Variants in CAMK1D observed in about 807,000 individuals in gnomAD.
CAMK1D encodes the protein calcium/calmodulin-dependent protein kinase type 1D.
In CAMK1D, 9 loss-of-function variants were observed where a neutral mutation model predicts 47.7. The observed-to-expected ratio is 0.19, with a 90% CI of 0.11 to 0.33. CAMK1D has a LOEUF of 0.33. CAMK1D is among the 10% of genes least tolerant of loss of function. CAMK1D has a pLI of 1.00. For synonymous variants in CAMK1D, 184 were observed against 184.9 expected, an observed-to-expected ratio of 0.99 and a Z score of 0.04; for missense variants, 291 against 488.7, an observed-to-expected ratio of 0.60 and a Z score of 3.81.
intron 3 of CAMK1D, among the ~76,000 whole-genome samples, chr10:12,685,670 C>A (rs897021442): frequency 6.6e-6 from 1 of 152,200 alleles, no homozygotes; most frequent in African/African-American, 2.4e-5. Context: ...TCACCCTAGG[C>A]CTTCTCGCTG....
chr10:12,446,926 A>G (rs1488176134), intron 1 of CAMK1D, among the ~76,000 whole-genome samples: 3 of 152,192 alleles, frequency 2.0e-5, no homozygotes, highest in Non-Finnish European at 4.4e-5. Context: ...AAATTGGGCT[A>G]AATGTAGGGA....
intron 8 of CAMK1D, among the ~76,000 whole-genome samples, chr10:12,821,092 G>A (rs1832995912): frequency 2.0e-5 from 3 of 152,216 alleles, no homozygotes; most frequent in Non-Finnish European, 4.4e-5. Context: ...TTGCAGGCCA[G>A]GGCAGCAGGC....
chr10:12,452,299 A>G (rs1260760537), intron 1 of CAMK1D, among the ~76,000 whole-genome samples: 1 of 152,066 alleles, frequency 6.6e-6, no homozygotes, highest in Non-Finnish European at 1.5e-5. Flanking sequence ...ATATTGATTT[A>G]TATTGTATAA....
At chr10:12,794,660 C>T (rs1838116315) in intron 6 of CAMK1D, among the ~76,000 whole-genome samples, 1 of 152,162 alleles carries the variant, frequency 6.6e-6, no homozygotes, top group African/African-American at 2.4e-5. Flanking sequence ...ACTAGTCCCA[C>T]ATCAATTTCA....
intron 1 of CAMK1D, among the ~76,000 whole-genome samples, chr10:12,421,887 G>T (rs1173789564): frequency 6.7e-6 from 1 of 148,978 alleles, no homozygotes; most frequent in African/African-American, 2.5e-5. Context: ...CTTGATCTTG[G>T]CTCACTGCAG....
chr10:12,796,965 A>G (rs931962997), intron 6 of CAMK1D, among the ~76,000 whole-genome samples: 2 of 152,244 alleles, frequency 1.3e-5, no homozygotes, highest in Non-Finnish European at 2.9e-5. Context: ...GTAATTGGAT[A>G]TGCATGTCAG....
intron 1 of CAMK1D, among the ~76,000 whole-genome samples, chr10:12,537,324 G>T (rs1345237644): frequency 1.3e-5 from 2 of 152,202 alleles, no homozygotes; most frequent in African/African-American, 4.8e-5. Context: ...CGCCTGCCTT[G>T]ACCTCCCAAA....
At chr10:12,789,124 T>C (rs946470742) in intron 5 of CAMK1D, among the ~76,000 whole-genome samples, 3 of 152,240 alleles carry the variant, frequency 2.0e-5, no homozygotes, top group Middle Eastern at 3.2e-3. Flanking sequence ...GAACTTTTCC[T>C]TTCCAAGTGT....
At chr10:12,581,082 C>G (rs888727591) in intron 2 of CAMK1D, among the ~76,000 whole-genome samples, 1 of 152,114 alleles carries the variant, frequency 6.6e-6, no homozygotes, top group Non-Finnish European at 1.5e-5. Flanking sequence ...TTGTGTCATT[C>G]TTATGCCTTT....
At chr10:12,376,528 T>G (rs1443496813) in intron 1 of CAMK1D, among the ~76,000 whole-genome samples, 2 of 152,054 alleles carry the variant, frequency 1.3e-5, no homozygotes, top group Admixed American at 6.6e-5. Flanking sequence ...CACCTTCATG[T>G]GTTGGTGTGA....
At chr10:12,356,480 G>A (rs1186857053) in intron 1 of CAMK1D, among the ~76,000 whole-genome samples, 1 of 152,160 alleles carries the variant, frequency 6.6e-6, no homozygotes, top group Non-Finnish European at 1.5e-5. Flanking sequence ...AATTCTCAGA[G>A]GGACTTTGAG....
At chr10:12,505,191 T>G (rs1258235012) in intron 1 of CAMK1D, among the ~76,000 whole-genome samples, 1 of 152,134 alleles carries the variant, frequency 6.6e-6, no homozygotes, top group Non-Finnish European at 1.5e-5. Flanking sequence ...AAAAGAGGCG[T>G]GCGGTTGTAG....
chr10:12,611,679 C>T (rs1588688146), intron 2 of CAMK1D, among the ~76,000 whole-genome samples: 1 of 146,202 alleles, frequency 6.8e-6, no homozygotes, highest in African/African-American at 2.5e-5. Flanking sequence ...GCAACCTCCC[C>T]CTCCCGGGTT....
chr10:12,657,427 AAAATAAATAAAT>A (rs10524598), intron 2 of CAMK1D, among the ~76,000 whole-genome samples: 2 of 146,712 alleles, frequency 1.4e-5, no homozygotes, highest in African/African-American at 2.5e-5. Flanking sequence ...CTGTCTCATA[AAAATAAATAAAT>A]AAATAAATAA....
intron 1 of CAMK1D, among the ~76,000 whole-genome samples, chr10:12,436,739 C>A (rs915435597): frequency 3.9e-5 from 6 of 152,142 alleles, no homozygotes; most frequent in Admixed American, 6.6e-5. Context: ...ATCCCTGAGA[C>A]CAACGGGTGA....
At chr10:12,568,227 C>G (rs1165099082) in intron 2 of CAMK1D, among the ~76,000 whole-genome samples, 1 of 85,832 alleles carries the variant, frequency 1.2e-5, no homozygotes, top group African/African-American at 4.9e-5. Flanking sequence ...TCCTGCCCCT[C>G]CCTTCCCTTC....
chr10:12,373,167 A>T (rs1451802937), intron 1 of CAMK1D, among the ~76,000 whole-genome samples: 3 of 151,914 alleles, frequency 2.0e-5, no homozygotes, highest in African/African-American at 7.3e-5. Context: ...TGCCTAATTA[A>T]CTGGGTGTGG....
chr10:12,630,595 A>C (rs1219303308), intron 2 of CAMK1D, among the ~76,000 whole-genome samples: 2 of 150,924 alleles, frequency 1.3e-5, no homozygotes, highest in Non-Finnish European at 3.0e-5. Flanking sequence ...ATTTTATTTT[A>C]TTTTCTAGAA....
intron 3 of CAMK1D, among the ~76,000 whole-genome samples, chr10:12,718,429 T>G (rs1387507756): frequency 1.3e-5 from 2 of 152,230 alleles, no homozygotes; most frequent in African/African-American, 4.8e-5. Flanking sequence ...CGCCATTTGC[T>G]TCAGTGACGG....
Sources: allele counts gnomAD v4.1 joint callset (sites outside exome capture counted in the v4.1 genomes callset), GRCh38; gene constraint gnomAD v4.1.1; transcripts MANE v1.5; gene names NCBI Gene and HGNC (gene_info 2026-07-23, HGNC 2026-07-21).